MSRA: variants seen among roughly 807,000 people sequenced by gnomAD.
The protein encoded by MSRA is mitochondrial peptide methionine sulfoxide reductase.
A neutral mutation model predicts 31.3 loss-of-function variants in MSRA; 54 were observed. The ratio of observed to expected loss-of-function variants is 1.73; its 90% confidence interval spans 1.39 to 2.17. The LOEUF is 2.17. Ranked by LOEUF, MSRA falls within the 30% of genes most tolerant of loss-of-function variation. MSRA has a pLI of 0.00. For missense variants in MSRA, 507 were observed against 300.9 expected, an observed-to-expected ratio of 1.69 and a Z score of -5.07; for synonymous variants, 169 against 116.5, an observed-to-expected ratio of 1.45 and a Z score of -2.90.
chr8:10,404,336 C>A (rs1456167168), intron 5 of MSRA, among the ~76,000 whole-genome samples: 1 of 152,192 alleles, frequency 6.6e-6, no homozygotes, highest in South Asian at 2.1e-4. Context: ...TGCCTTTCTC[C>A]CCAGCCCCGT....
intron 5 of MSRA, among the ~76,000 whole-genome samples, chr8:10,321,138 C>T (rs2129138460): frequency 6.6e-6 from 1 of 152,048 alleles, no homozygotes; most frequent in East Asian, 1.9e-4. Flanking sequence ...TTTTTAAAAT[C>T]CTCCAATAGA....
intron 3 of MSRA, among the ~76,000 whole-genome samples, chr8:10,277,868 AAATATATAC>A (rs773498738): frequency 3.9e-5 from 6 of 152,192 alleles, no homozygotes; most frequent in Admixed American, 6.5e-5. Context: ...TGTATATCAT[AAATATATAC>A]AATTTTTATT....
intron 1 of MSRA, among the ~76,000 whole-genome samples, chr8:10,113,246 G>T (rs1401399210): frequency 6.7e-6 from 1 of 149,020 alleles, no homozygotes; most frequent in Non-Finnish European, 1.5e-5. Context: ...AGAGGGTGGA[G>T]CCCTACCTGG....
At chr8:10,222,751 T>C (rs1413090473) in intron 2 of MSRA, among the ~76,000 whole-genome samples, 1 of 152,164 alleles carries the variant, frequency 6.6e-6, no homozygotes. Context: ...AAACAAATAG[T>C]GCGCGATCTC....
intron 1 of MSRA, among the ~76,000 whole-genome samples, chr8:10,065,079 A>T (rs138725391): frequency 6.6e-6 from 1 of 151,944 alleles, no homozygotes; most frequent in Admixed American, 6.6e-5. Context: ...GCAGTTTACA[A>T]AGAGCCACCT....
chr8:10,390,185 C>A (rs1250761453), intron 5 of MSRA, among the ~76,000 whole-genome samples: 1 of 152,228 alleles, frequency 6.6e-6, no homozygotes. Flanking sequence ...TGCTCGGCAC[C>A]TATATGTTCA....
chr8:10,197,583 T>G (rs1027784030), intron 1 of MSRA, among the ~76,000 whole-genome samples: 46 of 152,234 alleles, frequency 3.0e-4, no homozygotes, highest in Non-Finnish European at 5.0e-4. Context: ...AATACCAGTG[T>G]TCAGGAGCCA....
chr8:10,402,492 G>A (rs755785709), intron 5 of MSRA, among the ~76,000 whole-genome samples: 2 of 152,228 alleles, frequency 1.3e-5, no homozygotes, highest in Non-Finnish European at 2.9e-5. Context: ...TGCATTTTGT[G>A]CATGATCATT....
rs568643231 is a variant in MSRA at position 10,091,945 on chromosome 8, G to A, written c.142+37287G>A. 2.2e-4 allele frequency among the ~76,000 whole-genome samples: 33 copies of A among 152,122 alleles called. No individual in the cohort carries two copies. The South Asian group carries it at 5.2e-3, about 24-fold the overall frequency. On this transcript the variant is annotated intron_variant, in intron 1 of 5. Transcript: ENST00000317173. ...TTAATTTTTGAGGAACCTCCATACT[G>A]TTTTCCATAATGGCTGTATTAATTC...
intron 1 of MSRA, among the ~76,000 whole-genome samples, chr8:10,101,752 T>TCTTA (rs1316652861): frequency 2.6e-5 from 4 of 152,234 alleles, no homozygotes; most frequent in Non-Finnish European, 4.4e-5. Context: ...TACTCTATTG[T>TCTTA]ATGGACAGAC....
intron 1 of MSRA, among the ~76,000 whole-genome samples, chr8:10,062,117 A>G (rs1797228969): frequency 6.6e-6 from 1 of 152,306 alleles, no homozygotes; most frequent in South Asian, 2.1e-4. Flanking sequence ...GCCCTCAGCA[A>G]GGACCAGAGT....
At chr8:10,100,661 A>G (rs1799474088) in intron 1 of MSRA, among the ~76,000 whole-genome samples, 1 of 152,184 alleles carries the variant, frequency 6.6e-6, no homozygotes, top group Non-Finnish European at 1.5e-5. Context: ...GAAACTCATC[A>G]GATTCTGAAT....
chr8:10,335,026 G>A (rs1585505713), intron 5 of MSRA, among the ~76,000 whole-genome samples: 1 of 152,192 alleles, frequency 6.6e-6, no homozygotes, highest in African/African-American at 2.4e-5. Flanking sequence ...CTAGTGCCCT[G>A]CGCCATGGCC....
intron 1 of MSRA, among the ~76,000 whole-genome samples, chr8:10,079,343 C>A (rs1798164893): frequency 6.6e-6 from 1 of 152,026 alleles, no homozygotes. Flanking sequence ...TTTGTAGAGA[C>A]AGGGTTTCGC....
intron 1 of MSRA, among the ~76,000 whole-genome samples, chr8:10,076,572 C>T (rs1585096506): frequency 6.6e-6 from 1 of 152,172 alleles, no homozygotes; most frequent in Middle Eastern, 3.2e-3. Flanking sequence ...ATTCCCATCG[C>T]TTCTTGCAGG....
At chr8:10,375,467 A>G (rs1805707038) in intron 5 of MSRA, among the ~76,000 whole-genome samples, 1 of 152,170 alleles carries the variant, frequency 6.6e-6, no homozygotes, top group Admixed American at 6.5e-5. Context: ...TAGTGGAATG[A>G]TGTTTGTGGA....
At chr8:10,242,114 A>T (rs12550483) in intron 2 of MSRA, among the ~76,000 whole-genome samples, 34,075 of 152,022 alleles carry the variant, frequency 0.22, 4,403 homozygotes, top group Admixed American at 0.34. Context: ...TCTACTAAAA[A>T]CACAGAATTA....
At chr8:10,304,514 A>G (rs1216192452) in intron 4 of MSRA, among the ~76,000 whole-genome samples, 1 of 152,260 alleles carries the variant, frequency 6.6e-6, no homozygotes, top group East Asian at 1.9e-4. Flanking sequence ...TGGAGTTGAT[A>G]TTCCTGGGGA....
intron 5 of MSRA, among the ~76,000 whole-genome samples, chr8:10,383,761 G>C (rs1268141246): frequency 6.6e-6 from 1 of 152,124 alleles, no homozygotes; most frequent in South Asian, 2.1e-4. Flanking sequence ...GAAACTGTAG[G>C]GTGCTTTGAG....
Sources: allele counts gnomAD v4.1 joint callset (sites outside exome capture counted in the v4.1 genomes callset), GRCh38; gene constraint gnomAD v4.1.1; transcripts MANE v1.5; gene names NCBI Gene and HGNC (gene_info 2026-07-23, HGNC 2026-07-21).